The following MALRD1 variants were observed in gnomAD, a reference collection of about 807,000 sequenced individuals.
MALRD1 encodes MAM and LDL receptor class A domain containing 1.
Under a neutral mutation model 242.1 loss-of-function variants are expected in MALRD1, and 247 were observed. That is an observed-to-expected ratio of 1.02 (90% CI 0.92 to 1.13). MALRD1 has a LOEUF of 1.13. MALRD1 is among the 50% of genes most tolerant of loss of function. MALRD1 has a pLI of 0.00. For synonymous variants in MALRD1, 995 were observed against 866.6 expected, an observed-to-expected ratio of 1.15 and a Z score of -2.60; for missense variants, 2,989 against 2,533.1, an observed-to-expected ratio of 1.18 and a Z score of -3.86.
At chr10:19,666,884 A>G (rs1841703600) in intron 36 of MALRD1, among the ~76,000 whole-genome samples, 3 of 152,192 alleles carry the variant, frequency 2.0e-5, no homozygotes, top group Non-Finnish European at 4.4e-5. Context: ...AAGATGGTGG[A>G]GTGACTTATC....
intron 14 of MALRD1, 89 bp downstream of exon 14, chr10:19,175,417 T>C: frequency 1.1e-6 from 1 of 920,762 alleles, no homozygotes; most frequent in South Asian, 5.5e-5. Flanking sequence ...GAGTCACGAA[T>C]ACCTAATACA....
intron 28 of MALRD1, among the ~76,000 whole-genome samples, chr10:19,397,304 A>G (rs1299807373): frequency 6.6e-6 from 1 of 152,018 alleles, no homozygotes; most frequent in Non-Finnish European, 1.5e-5. Context: ...TATGAGATAC[A>G]TGTTTTTAGG....
At chr10:19,177,229 G>C (rs1292031838) in intron 14 of MALRD1, among the ~76,000 whole-genome samples, 1 of 149,452 alleles carries the variant, frequency 6.7e-6, no homozygotes, top group African/African-American at 2.5e-5. Context: ...GTAGTGAGCC[G>C]AGATCGCGCC....
intron 19 of MALRD1, among the ~76,000 whole-genome samples, chr10:19,263,817 T>C (rs1340132743): frequency 6.6e-6 from 1 of 152,210 alleles, no homozygotes; most frequent in Non-Finnish European, 1.5e-5. Context: ...GCAAGTACCA[T>C]GATGTTGTGA....
intron 32 of MALRD1, among the ~76,000 whole-genome samples, chr10:19,536,184 C>G (rs753949310): frequency 2.0e-5 from 3 of 152,080 alleles, no homozygotes; most frequent in Non-Finnish European, 2.9e-5. Context: ...AAGGTACCCA[C>G]AAAAGACGTG....
At chr10:19,687,417 C>T (rs1294922725) in intron 36 of MALRD1, among the ~76,000 whole-genome samples, 1 of 152,096 alleles carries the variant, frequency 6.6e-6, no homozygotes. Flanking sequence ...TTTCCCATAC[C>T]CACCCACCAA....
At chr10:19,332,683 CATA>C (rs1588924152) in intron 24 of MALRD1, among the ~76,000 whole-genome samples, 2 of 152,152 alleles carry the variant, frequency 1.3e-5, no homozygotes, top group Non-Finnish European at 2.9e-5. Context: ...ATAGAGCTTA[CATA>C]TATATAGAAC....
chr10:19,552,624 A>G (rs1835534945), intron 32 of MALRD1, among the ~76,000 whole-genome samples: 1 of 152,016 alleles, frequency 6.6e-6, no homozygotes, highest in Non-Finnish European at 1.5e-5. Flanking sequence ...TCACAACAGT[A>G]CGTGAATAAT....
intron 32 of MALRD1, among the ~76,000 whole-genome samples, chr10:19,535,518 CAT>C (rs1160872775): frequency 2.4e-4 from 36 of 148,106 alleles, no homozygotes; most frequent in African/African-American, 8.2e-4. Flanking sequence ...CACATATATA[CAT>C]GTGTATATGT....
intron 27 of MALRD1, among the ~76,000 whole-genome samples, chr10:19,388,419 A>G (rs947228876): frequency 2.6e-5 from 4 of 152,232 alleles, no homozygotes; most frequent in Non-Finnish European, 4.4e-5. Context: ...GTATGCTGCC[A>G]TCAGACATCT....
chr10:19,325,875 G>A (rs1335510179), intron 22 of MALRD1, among the ~76,000 whole-genome samples: 2 of 152,060 alleles, frequency 1.3e-5, no homozygotes, highest in African/African-American at 4.8e-5. Context: ...TAGGTCATAC[G>A]TTTTCCGAAA....
At chr10:19,731,131 C>T (rs540462479) in intron 39 of MALRD1, among the ~76,000 whole-genome samples, 14 of 152,188 alleles carry the variant, frequency 9.2e-5, no homozygotes, top group African/African-American at 3.4e-4. Flanking sequence ...CATTGAATGT[C>T]TTTCATATTT....
intron 21 of MALRD1, among the ~76,000 whole-genome samples, chr10:19,288,126 G>A (rs968153590): frequency 2.0e-5 from 3 of 151,846 alleles, no homozygotes; most frequent in Non-Finnish European, 4.4e-5. Context: ...ACACAGGCTG[G>A]AGTGCAGTGG....
chr10:19,332,134 G>A (rs1331124343), intron 24 of MALRD1, among the ~76,000 whole-genome samples: 2 of 150,872 alleles, frequency 1.3e-5, no homozygotes, highest in Admixed American at 6.6e-5. Flanking sequence ...AGAGTGCTGG[G>A]ATTGCAGGCA....
intron 29 of MALRD1, among the ~76,000 whole-genome samples, chr10:19,456,526 CAAAT>C (rs1253858455): frequency 6.6e-6 from 1 of 150,930 alleles, no homozygotes; most frequent in Non-Finnish European, 1.5e-5. Flanking sequence ...AGTTCACACA[CAAAT>C]AAATCTATAA....
At chr10:19,427,339 T>A (rs1222360515) in intron 28 of MALRD1, among the ~76,000 whole-genome samples, 1 of 152,230 alleles carries the variant, frequency 6.6e-6, no homozygotes, top group African/African-American at 2.4e-5. Flanking sequence ...TATTTTTATA[T>A]ACGTAATAAA....
At chr10:19,171,938 TATCATATAATATATGTATATATCA>T (rs1834996731) in intron 13 of MALRD1, among the ~76,000 whole-genome samples, 1 of 132,906 alleles carries the variant, frequency 7.5e-6, no homozygotes, top group Non-Finnish European at 1.6e-5. Context: ...GTGATATATA[TATCATATAATATATGTATATATCA>T]CATATATGTG....
Position 19,677,469 on chromosome 10 carries a change from G to A in MALRD1, c.6138-14813G>A, listed in dbSNP as rs189488797. On this transcript the variant is annotated intron_variant, in intron 36 of 39. Transcript: ENST00000454679. The stretch of plus-strand genomic sequence containing the variant: ...GTTGGCTGCATAAGTATCTTCTTTC[G>A]AGAAGTGTTTGTTCATGTCCTTTGC... Among the ~76,000 whole-genome samples, 4 of 152,202 alleles carry A rather than the reference G, an allele frequency of 2.6e-5. No homozygotes were observed. The East Asian group carries it at 5.8e-4, about 22-fold the overall frequency.
intron 31 of MALRD1, among the ~76,000 whole-genome samples, chr10:19,503,788 GT>G (rs1271187884): frequency 5.9e-5 from 9 of 152,116 alleles, no homozygotes; most frequent in African/African-American, 2.2e-4. Context: ...ACTTCTGTAG[GT>G]TACTTGGAAC....
Sources: gnomAD v4.1 joint callset for allele counts (sites outside exome capture counted in the v4.1 genomes callset) on GRCh38, gnomAD v4.1.1 for gene constraint, MANE v1.5 for transcripts, NCBI Gene and HGNC (gene_info 2026-07-23, HGNC 2026-07-21) for gene names.